The following DZIP1L variants were observed in gnomAD, a reference collection of about 807,000 sequenced individuals.
DZIP1L encodes the protein DAZ interacting zinc finger protein 1 like, also known as cilium assembly protein DZIP1L.
DZIP1L carries 90 observed loss-of-function variants against 88.7 expected under a neutral mutation model. The observed-to-expected ratio is 1.02, with a 90% CI of 0.86 to 1.21. The LOEUF is 1.21. Ranked by LOEUF, DZIP1L falls within the 50% of genes most tolerant of loss-of-function variation. DZIP1L has a pLI of 0.00. For missense variants in DZIP1L, 932 were observed against 955.8 expected, an observed-to-expected ratio of 0.98 and a Z score of 0.33; for synonymous variants, 363 against 372.1, an observed-to-expected ratio of 0.98 and a Z score of 0.28.
At position 138,064,622 on chromosome 3, in the gene DZIP1L, T is replaced by C. The variant is rs745357498; in HGVS notation, c.2142+6A>G. ...CAGAGTAAACTCTAAGCATCCTACA[T>C]CCTACCTGAGGCTTCCTTCCTGGTG... On this transcript the variant is annotated splice_donor_region_variant and intron_variant, in intron 15 of 15. Transcript: ENST00000327532. 1.2e-6 allele frequency: 2 copies of C among 1,613,994 alleles called. No individual in the cohort carries two copies. The highest frequency in any genetic ancestry group is 8.5e-7 in the Non-Finnish European group (1 of 1,180,024).
At chr3:138,070,041 T>C (rs1356516767) in intron 12 of DZIP1L, among the ~76,000 whole-genome samples, 1 of 151,798 alleles carries the variant, frequency 6.6e-6, no homozygotes, top group Non-Finnish European at 1.5e-5. Context: ...TGTGTGGGAG[T>C]GGGTGGGGCG....
At chr3:138,064,460 G>C (rs779310400) in intron 15 of DZIP1L, 168 bp downstream of exon 15, 1 of 1,595,592 alleles carries the variant, frequency 6.3e-7, no homozygotes, top group South Asian at 1.1e-5. Flanking sequence ...ATTCCAAACT[G>C]GCCATCTCTC....
chr3:138,112,002 CAA>C (rs56199137), intron 1 of DZIP1L, among the ~76,000 whole-genome samples: 207 of 135,038 alleles, frequency 1.5e-3, no homozygotes, highest in Middle Eastern at 8.0e-3. Context: ...AATTCTGTCT[CAA>C]AAAAAAAAAA....
chr3:138,111,980 C>G (rs2042627744), intron 1 of DZIP1L, among the ~76,000 whole-genome samples: 1 of 138,094 alleles, frequency 7.2e-6, no homozygotes, highest in Non-Finnish European at 1.5e-5. Flanking sequence ...CCAGCCTGGG[C>G]AACAAGAATG....
chr3:138,086,314 T>G (rs1044205013), intron 7 of DZIP1L, among the ~76,000 whole-genome samples: 5 of 150,034 alleles, frequency 3.3e-5, no homozygotes, highest in African/African-American at 1.2e-4. Flanking sequence ...AACCATCACA[T>G]GTGAGTGATC....
At chr3:138,065,647 TG>T (rs1942859778) in intron 14 of DZIP1L, among the ~76,000 whole-genome samples, 1 of 152,252 alleles carries the variant, frequency 6.6e-6, no homozygotes, top group African/African-American at 2.4e-5. Context: ...TCTGATGGAC[TG>T]GCAGGCTTGG....
intron 10 of DZIP1L, among the ~76,000 whole-genome samples, chr3:138,079,934 G>A (rs1943570508): frequency 6.6e-6 from 1 of 152,154 alleles, no homozygotes; most frequent in South Asian, 2.1e-4. Context: ...TCTGTCCTGG[G>A]AGCTTCCTCT....
intron 4 of DZIP1L, among the ~76,000 whole-genome samples, 191 bp downstream of exon 4, chr3:138,094,671 C>CA (rs1452822156): frequency 6.6e-6 from 1 of 152,236 alleles, no homozygotes; most frequent in African/African-American, 2.4e-5. Context: ...ATAAGTCTGG[C>CA]AAAAACAATT....
At chr3:138,074,940 A>T (rs1187409589) in intron 11 of DZIP1L, among the ~76,000 whole-genome samples, 1 of 152,206 alleles carries the variant, frequency 6.6e-6, no homozygotes, top group African/African-American at 2.4e-5. Context: ...CACAAACTTA[A>T]GGTAAAGGGG....
intron 1 of DZIP1L, among the ~76,000 whole-genome samples, chr3:138,115,123 C>G (rs1225540555): frequency 1.3e-5 from 2 of 152,070 alleles, no homozygotes; most frequent in Non-Finnish European, 2.9e-5. Flanking sequence ...GCTGCAGGGC[C>G]GCGCCGGGCC....
chr3:138,077,129 C>T (rs568763914), intron 11 of DZIP1L, among the ~76,000 whole-genome samples: 22 of 152,242 alleles, frequency 1.4e-4, no homozygotes, highest in African/African-American at 5.1e-4. Context: ...GATGGGCTTG[C>T]AGATGGATAC....
chr3:138,065,674 T>A (rs965984516), intron 14 of DZIP1L, among the ~76,000 whole-genome samples: 4 of 152,222 alleles, frequency 2.6e-5, no homozygotes, highest in Non-Finnish European at 5.9e-5. Flanking sequence ...GCTGTAAACA[T>A]GGCCAAGTAC....
chr3:138,065,218 T>C (rs1212739552), intron 14 of DZIP1L, among the ~76,000 whole-genome samples: 2 of 152,164 alleles, frequency 1.3e-5, no homozygotes, highest in Non-Finnish European at 2.9e-5. Flanking sequence ...AGCTAAGCAG[T>C]GACAGAGATC....
intron 3 of DZIP1L, among the ~76,000 whole-genome samples, chr3:138,096,123 A>G (rs1944456073): frequency 6.6e-6 from 1 of 152,212 alleles, no homozygotes. Flanking sequence ...GTTGCAGTAG[A>G]AATTAATTTG....
rs2042338375 is a variant in DZIP1L at position 138,102,123 on chromosome 3, G to A, written c.501+1348C>T. 6 of 1,410,330 alleles carry A rather than the reference G, an allele frequency of 4.3e-6. No homozygotes were observed. In the Admixed American group the frequency reaches 8.4e-5, roughly 20 times the overall value. The allele number at this position is 1,410,330 out of a possible 1,614,324, so 87.4% of individuals were successfully genotyped here. On this transcript the variant is annotated intron_variant, in intron 2 of 15. Transcript: ENST00000327532. ...GCAGTTGGCGATCTCCTTGTACTGT[G>A]CCTTGACCTCAGCGATGATGCTGTC... is the stretch of plus-strand genomic sequence containing the variant.
At chr3:138,113,494 A>G (rs913667004) in intron 1 of DZIP1L, 7 of 152,292 alleles carry the variant, frequency 4.6e-5, no homozygotes, top group Admixed American at 1.3e-4. Context: ...CTGGCTCCCA[A>G]GCTAACTTCA....
chr3:138,098,649 T>A (rs1431580520), intron 2 of DZIP1L, among the ~76,000 whole-genome samples: 1 of 152,192 alleles, frequency 6.6e-6, no homozygotes. Flanking sequence ...TTCCCTTTCT[T>A]CCTTGGTAAT....
At chr3:138,068,630 C>A (rs774808633) in intron 12 of DZIP1L, among the ~76,000 whole-genome samples, 7 of 152,086 alleles carry the variant, frequency 4.6e-5, no homozygotes, top group Non-Finnish European at 7.4e-5. Flanking sequence ...TACTGAAGAC[C>A]AGCAGGAGTC....
At chr3:138,070,030 G>T (rs1943104591) in intron 12 of DZIP1L, among the ~76,000 whole-genome samples, 1 of 152,188 alleles carries the variant, frequency 6.6e-6, no homozygotes, top group South Asian at 2.1e-4. Flanking sequence ...AGGAACAAAG[G>T]TGTGTGGGAG....
Sources: allele counts gnomAD v4.1 joint callset (sites outside exome capture counted in the v4.1 genomes callset), GRCh38; gene constraint gnomAD v4.1.1; transcripts MANE v1.5; gene names NCBI Gene and HGNC (gene_info 2026-07-23, HGNC 2026-07-21).